The following RHOH variants were observed in gnomAD, a reference collection of about 807,000 sequenced individuals.
RHOH encodes the protein ras homolog family member H, also known as rho-related GTP-binding protein RhoH.
In RHOH, 6 loss-of-function variants were observed where a neutral mutation model predicts 13.8. The ratio of observed to expected loss-of-function variants is 0.44; its 90% CI spans 0.24 to 0.86. The LOEUF (loss-of-function observed/expected upper bound fraction) is 0.86, where lower values mean the gene tolerates loss of function less well. Ranked by LOEUF, RHOH falls within the 40% of genes least tolerant of loss-of-function variation. The pLI is 0.24. For synonymous variants in RHOH, 117 were observed against 103.0 expected, an observed-to-expected ratio of 1.14 and a Z score of -0.82; for missense variants, 147 against 244.5, an observed-to-expected ratio of 0.60 and a Z score of 2.66.
At chr4:40,234,077 C>T (rs1185573562) in intron 1 of RHOH, among the ~76,000 whole-genome samples, 1 of 152,180 alleles carries the variant, frequency 6.6e-6, no homozygotes, top group East Asian at 1.9e-4. Context: ...AGCATCGTGA[C>T]ATTATAGAAT....
chr4:40,200,160 T>A (rs1202662026), intron 1 of RHOH, among the ~76,000 whole-genome samples: 1 of 152,114 alleles, frequency 6.6e-6, no homozygotes, highest in African/African-American at 2.4e-5. Context: ...ATGGAAAGGA[T>A]GACCCCAGGG....
rs150767000 is a variant in RHOH, at chr4:40,212,167, G to A, written c.-331+14867G>A. 5.3e-3 allele frequency among the ~76,000 whole-genome samples: 802 copies of A among 152,228 alleles called. 6 individuals carry two copies. The highest frequency in any genetic ancestry group is 0.018 in the African/African-American group (761 of 41,540). On this transcript the variant is annotated intron_variant, in intron 1 of 2. Transcript: ENST00000381799. ...CTGTAGGGTGGATAGCAAATGAAGC[G>A]AATTAACTGCCAAATCCTTCCTTAA...
chr4:40,193,142 T>C (rs548665514), upstream of RHOH: 1 of 152,444 alleles, frequency 6.6e-6, no homozygotes, highest in African/African-American at 2.4e-5. Flanking sequence ...TCTGGCCGTG[T>C]TAACACGACG....
chr4:40,243,777 G>T lies in RHOH; in HGVS notation c.391G>T (p.Val131Phe). The T allele has an allele frequency of 6.2e-7, 1 of 1,614,024 alleles. No homozygotes were observed. The highest frequency in any genetic ancestry group is 8.5e-7 in the Non-Finnish European group (1 of 1,180,012). ...REMGPHRASCVNAMEGKKLAQ... is the reference protein window; with the variant it reads ...REMGPHRASCFNAMEGKKLAQ... The stretch of plus-strand genomic sequence containing the variant: ...GATGGGGCCCCACAGGGCCTCCTGC[G>T]TCAATGCCATGGAAGGGAAGAAACT... The change falls in exon 3 of 3, where the codon GTC becomes TTC. Residue 131 changes from valine (V) to phenylalanine (F), a missense_variant. Val to Phe is a conservative substitution (Grantham distance 50, BLOSUM62 -1). Coordinates refer to ENST00000381799, the MANE Select transcript of RHOH (RefSeq NM_004310.5). The surrounding 1 kb of genome is among the most constrained non-coding windows in gnomAD (Gnocchi z 6.2).
chr4:40,226,312 A>T (rs1374779716), intron 1 of RHOH, among the ~76,000 whole-genome samples: 1 of 152,140 alleles, frequency 6.6e-6, no homozygotes, highest in Non-Finnish European at 1.5e-5. Context: ...GGATCACCTG[A>T]GGTCGGGAGT....
chr4:40,211,513 A>G lies in RHOH; in HGVS notation c.-331+14213A>G, dbSNP rs546703512. On this transcript the variant is annotated intron_variant, in intron 1 of 2. Transcript: ENST00000381799. ...GGTCTTGAACTCCCGGCCTCAAGTGATCCGCCTGCCTCGGCCTCCCAAAGT... is the reference window on the plus strand; with the variant it reads ...GGTCTTGAACTCCCGGCCTCAAGTGGTCCGCCTGCCTCGGCCTCCCAAAGT... Among the ~76,000 whole-genome samples the G allele has an allele frequency of 2.6e-4, 39 of 152,246 alleles. No individual in the cohort carries two copies. The South Asian group carries it at 7.5e-3, about 29-fold the overall frequency.
At chr4:40,194,998 T>A (rs531308713), upstream of RHOH, among the ~76,000 whole-genome samples, 2 of 152,312 alleles carry the variant, frequency 1.3e-5, no homozygotes, top group Admixed American at 1.3e-4. Context: ...CTGAGCTATG[T>A]GTTTATGTTT....
In RHOH at chr4:40,243,383, G is replaced by T; in HGVS notation, c.-4G>T. 1 of 1,574,404 alleles carries T rather than the reference G, an allele frequency of 6.4e-7. No homozygotes were observed. ...ACTTCAGAGTAGGACAGCAGGCTGGGAAGATGCTGAGTTCCATCAAGTGCG... is the reference window on the plus strand; with the variant it reads ...ACTTCAGAGTAGGACAGCAGGCTGGTAAGATGCTGAGTTCCATCAAGTGCG... On this transcript the variant is annotated 5_prime_UTR_variant, in exon 3 of 3. Transcript: ENST00000381799. The surrounding 1 kb of genome is among the most constrained non-coding windows in gnomAD (Gnocchi z 6.2).
In RHOH at chr4:40,243,608, G is replaced by C. The variant is rs368408173; in HGVS notation, c.222G>C (p.Gln74His). 6.2e-7 allele frequency: 1 copy of C among 1,614,074 alleles called. No homozygotes were observed. Among genetic ancestry groups the C allele is most frequent in the Non-Finnish European group, 8.5e-7 (1 of 1,180,044 alleles). The change falls in exon 3 of 3, where the codon CAG becomes CAC. Residue 74 changes from glutamine to histidine, a missense_variant. Physicochemically the swap from Gln to His is conservative, Grantham distance 24 (BLOSUM62 0). Coordinates refer to ENST00000381799, the MANE Select transcript of RHOH (RefSeq NM_004310.5). The surrounding 1 kb of genome is among the most constrained non-coding windows in gnomAD (Gnocchi z 6.2). Reference protein sequence around the residue: ...AFRSIRPLSYQQADVVLMCYS... With the variant: ...AFRSIRPLSYHQADVVLMCYS... ...GAAGCATCCGGCCCCTGTCCTACCA[G>C]CAGGCAGACGTGGTGCTGATGTGCT...
At chr4:40,213,918 G>A (rs1172292706) in intron 1 of RHOH, among the ~76,000 whole-genome samples, 1 of 151,954 alleles carries the variant, frequency 6.6e-6, no homozygotes, top group South Asian at 2.1e-4. Flanking sequence ...CACCACGCCC[G>A]GCTAATTTTT....
At chr4:40,228,526 G>A (rs957120504) in intron 1 of RHOH, among the ~76,000 whole-genome samples, 1 of 152,138 alleles carries the variant, frequency 6.6e-6, no homozygotes, top group Non-Finnish European at 1.5e-5. Flanking sequence ...GCTTAAATAT[G>A]TGTGTTGGAT....
chr4:40,243,131 A>G lies in RHOH; in HGVS notation c.-209-47A>G, dbSNP rs186483115. 246 of 397,730 alleles carry G rather than the reference A, an allele frequency of 6.2e-4. No homozygotes were observed. The highest frequency in any genetic ancestry group is 1.3e-3 in the Middle Eastern group (2 of 1,526). 24.6% of individuals were successfully genotyped at this position (397,730 alleles called of 1,614,324 possible). ...GAAGCCCCTTATCTTCAAAAAAGGC[A>G]AGAAAGAAAGAAAGACTTCATTTTC... is the stretch of plus-strand genomic sequence containing the variant. On this transcript the variant is annotated intron_variant, in intron 2 of 2. Transcript: ENST00000381799. The surrounding 1 kb of genome is among the most constrained non-coding windows in gnomAD (Gnocchi z 6.2).
chr4:40,197,684 T>C (rs1310565698), intron 1 of RHOH, among the ~76,000 whole-genome samples: 3 of 152,226 alleles, frequency 2.0e-5, no homozygotes, highest in African/African-American at 2.4e-5. Context: ...TAAAGTTGTC[T>C]AGTTCAGAAA....
In RHOH at chr4:40,244,284, C is replaced by T. The variant is rs1299016283; in HGVS notation, c.*322C>T. The T allele has an allele frequency of 3.5e-6, 1 of 288,240 alleles. No individual in the cohort carries two copies. The highest frequency in any genetic ancestry group is 2.2e-5 in the African/African-American group (1 of 46,442). The allele number at this position is 288,240 out of a possible 1,614,324, so 17.9% of individuals were successfully genotyped here. A position where few individuals can be genotyped will look rare whatever the true frequency, so the allele number is the denominator to read the frequency against. ...TCAAAGAATTCCATATTTAAAGACACATTTTATTTAACTAATAACAAAATG... is the reference window on the plus strand; with the variant it reads ...TCAAAGAATTCCATATTTAAAGACATATTTTATTTAACTAATAACAAAATG... On this transcript the variant is annotated 3_prime_UTR_variant, in exon 3 of 3. Coordinates refer to ENST00000381799, the MANE Select transcript of RHOH (RefSeq NM_004310.5).
chr4:40,222,616 A>G (rs2109460761), intron 1 of RHOH, among the ~76,000 whole-genome samples: 1 of 152,338 alleles, frequency 6.6e-6, no homozygotes, highest in Admixed American at 6.5e-5. Flanking sequence ...ATTACAGCTC[A>G]TGGACAACGC....
chr4:40,222,999 A>G (rs543724772), intron 1 of RHOH, among the ~76,000 whole-genome samples: 1 of 152,324 alleles, frequency 6.6e-6, no homozygotes, highest in East Asian at 1.9e-4. Context: ...CAGATGTGGT[A>G]GAAGGAGCAA....
At chr4:40,207,224 A>G (rs1724754900) in intron 1 of RHOH, among the ~76,000 whole-genome samples, 3 of 151,930 alleles carry the variant, frequency 2.0e-5, no homozygotes, top group Non-Finnish European at 4.4e-5. Flanking sequence ...AAAAAAAGTC[A>G]TCATCCCAGT....
At chr4:40,207,928 T>C (rs1233919380) in intron 1 of RHOH, among the ~76,000 whole-genome samples, 1 of 152,118 alleles carries the variant, frequency 6.6e-6, no homozygotes, top group African/African-American at 2.4e-5. Context: ...ATCATGCCAC[T>C]GCACTCCAGC....
At chr4:40,227,018 G>A (rs1727326343) in intron 1 of RHOH, among the ~76,000 whole-genome samples, 1 of 152,064 alleles carries the variant, frequency 6.6e-6, no homozygotes, top group Non-Finnish European at 1.5e-5. Context: ...AATTATCCGG[G>A]TGTGGTGGTG....
Sources: allele counts gnomAD v4.1 joint callset (sites outside exome capture counted in the v4.1 genomes callset), GRCh38; gene constraint gnomAD v4.1.1; non-coding constraint Gnocchi (gnomAD v3.1); transcripts MANE v1.5; gene names NCBI Gene and HGNC (gene_info 2026-07-23, HGNC 2026-07-21).